The following TENM3 variants were observed in gnomAD, a reference collection of about 807,000 sequenced individuals.
The protein encoded by TENM3 is teneurin transmembrane protein 3.
Under a neutral mutation model 255.1 loss-of-function variants are expected in TENM3, and 63 were observed. The observed-to-expected ratio is 0.25, with a 90% CI of 0.20 to 0.30. The LOEUF (loss-of-function observed/expected upper bound fraction) is 0.30, where lower values mean the gene tolerates loss of function less well. TENM3 is among the 10% of genes least tolerant of loss of function. The probability of loss-of-function intolerance (pLI) is 1.00; values close to 1 mark genes in which losing one functional copy is unlikely to be tolerated. For synonymous variants in TENM3, 1,306 were observed against 1,322.3 expected, an observed-to-expected ratio of 0.99 and a Z score of 0.27; for missense variants, 2,929 against 3,461.1, an observed-to-expected ratio of 0.85 and a Z score of 3.86.
intron 3 of TENM3, among the ~76,000 whole-genome samples, chr4:182,522,372 A>G (rs1738670682): frequency 6.6e-6 from 1 of 152,098 alleles, no homozygotes; most frequent in South Asian, 2.1e-4. Context: ...GGCAACTGCC[A>G]TTCTCCCCTC....
chr4:182,799,707 T>A lies in TENM3; in HGVS notation c.7456T>A (p.Trp2486Arg), dbSNP rs1305387549. The change falls in exon 28 of 28, where the codon TGG becomes AGG. Residue 2486 changes from tryptophan to arginine, a missense_variant. Trp to Arg is a moderately radical substitution (Grantham distance 101). Around this residue, in one of 6 missense-constraint regions of TENM3, gnomAD observed 476 missense variants for 480.1 expected, o/e 0.99. Coordinates refer to ENST00000511685, the MANE Select transcript of TENM3 (RefSeq NM_001080477.4). The surrounding 1 kb of genome is among the most constrained non-coding windows in gnomAD (Gnocchi z 4.2). ...SRRRAGGAQS[W>R]LWFATVKSLI... is the part of the protein sequence containing the mutation. Reference sequence around the variant, plus strand: ...GCGCCGGGCCGGCGGCGCGCAGTCCTGGCTGTGGTTCGCCACGGTCAAGTC... The same window carrying A: ...GCGCCGGGCCGGCGGCGCGCAGTCCAGGCTGTGGTTCGCCACGGTCAAGTC... 1 of 1,551,006 alleles carries A rather than the reference T, an allele frequency of 6.4e-7. No individual in the cohort carries two copies. Among genetic ancestry groups the A allele is most frequent in the African/African-American group, 1.4e-5 (1 of 73,056 alleles).
At chr4:181,511,925 C>G in the TENM3 span, among the ~76,000 whole-genome samples, 1 of 152,104 alleles carries the variant, frequency 6.6e-6, no homozygotes, top group Non-Finnish European at 1.5e-5. Flanking sequence ...GAATATGGCA[C>G]CGGGGGCCCC....
At chr4:181,807,651 C>A in the TENM3 span, among the ~76,000 whole-genome samples, 3 of 152,154 alleles carry the variant, frequency 2.0e-5, no homozygotes, top group Non-Finnish European at 4.4e-5. Flanking sequence ...CCGCACCTGG[C>A]CAATCCTAGG....
the TENM3 span, among the ~76,000 whole-genome samples, chr4:181,783,889 G>T: frequency 1.3e-5 from 2 of 152,040 alleles, no homozygotes; most frequent in Admixed American, 6.6e-5. Context: ...TTGAAGAGAC[G>T]CAGGTCTCAC....
chr4:181,720,179 A>T, the TENM3 span, among the ~76,000 whole-genome samples: 1 of 152,348 alleles, frequency 6.6e-6, no homozygotes, highest in South Asian at 2.1e-4. Flanking sequence ...CTTCTGAAAC[A>T]GAATCGCATT....
At chr4:182,027,171 T>C in the TENM3 span, among the ~76,000 whole-genome samples, 1 of 152,096 alleles carries the variant, frequency 6.6e-6, no homozygotes, top group Non-Finnish European at 1.5e-5. Context: ...CTTAGGTATT[T>C]AATTTTATTG....
At chr4:181,675,812 G>A in the TENM3 span, among the ~76,000 whole-genome samples, 170 of 117,944 alleles carry the variant, frequency 1.4e-3, no homozygotes, top group African/African-American at 5.0e-3. Context: ...AAGAAATATA[G>A]TTGAACTTCT....
chr4:182,451,590 A>G (rs1437404049), intron 3 of TENM3, among the ~76,000 whole-genome samples: 4 of 152,204 alleles, frequency 2.6e-5, no homozygotes, highest in Non-Finnish European at 5.9e-5. Context: ...ATGCTGTAAA[A>G]TAGATTAAAA....
intron 1 of TENM3, among the ~76,000 whole-genome samples, chr4:182,145,896 A>G (rs1218486805): frequency 6.6e-6 from 1 of 152,232 alleles, no homozygotes; most frequent in Non-Finnish European, 1.5e-5. Flanking sequence ...AGAAATAGAC[A>G]TATGTTGAGG....
intron 2 of TENM3, among the ~76,000 whole-genome samples, chr4:182,344,992 C>T (rs528209009): frequency 2.0e-5 from 3 of 152,292 alleles, no homozygotes; most frequent in Admixed American, 1.3e-4. Context: ...AACGCACAGG[C>T]GCTTTTTCCT....
chr4:181,915,757 G>A, the TENM3 span, among the ~76,000 whole-genome samples: 16 of 151,804 alleles, frequency 1.1e-4, no homozygotes, highest in African/African-American at 3.6e-4. Context: ...TTGACTGTGA[G>A]GAACAGGAAG....
intron 3 of TENM3, among the ~76,000 whole-genome samples, chr4:182,581,673 G>A (rs888715492): frequency 6.6e-6 from 1 of 152,040 alleles, no homozygotes; most frequent in African/African-American, 2.4e-5. Flanking sequence ...GGAGGCGGAG[G>A]TTGCAGTGAG....
the TENM3 span, among the ~76,000 whole-genome samples, chr4:181,853,577 A>G: frequency 6.6e-6 from 1 of 152,210 alleles, no homozygotes; most frequent in East Asian, 1.9e-4. Flanking sequence ...TATGACATTT[A>G]GTGTTTAATG....
chr4:182,114,461 A>G, the TENM3 span, among the ~76,000 whole-genome samples: 1 of 149,160 alleles, frequency 6.7e-6, no homozygotes, highest in Non-Finnish European at 1.5e-5. Context: ...TTTTTAGGGA[A>G]CTTCTTTTTT....
the TENM3 span, among the ~76,000 whole-genome samples, chr4:181,777,426 T>C: frequency 6.6e-6 from 1 of 152,164 alleles, no homozygotes. Flanking sequence ...TTTAGGATTT[T>C]TTTTCTATTT....
At chr4:182,008,799 C>A in the TENM3 span, among the ~76,000 whole-genome samples, 1 of 152,062 alleles carries the variant, frequency 6.6e-6, no homozygotes, top group African/African-American at 2.4e-5. Flanking sequence ...GGAGAAGGGG[C>A]ACTCTGGCCT....
rs1269326273 is a variant in TENM3, at chr4:182,768,163, G to A, written c.4893-5309G>A. On this transcript the variant is annotated intron_variant, in intron 22 of 27. Coordinates refer to ENST00000511685, the MANE Select transcript of TENM3 (RefSeq NM_001080477.4). ...GAGTTAGAATGACTTCTCTGCCCTG[G>A]TGTATGCGCTTCTCTAAAGCTGTGC... Among the ~76,000 whole-genome samples the A allele has an allele frequency of 9.2e-5, 14 of 152,172 alleles. 1 individual carries two copies. Among genetic ancestry groups the A allele is most frequent in the Admixed American group, 9.2e-4 (14 of 15,282 alleles).
At chr4:182,374,103 G>A (rs577666107) in intron 3 of TENM3, among the ~76,000 whole-genome samples, 4 of 152,134 alleles carry the variant, frequency 2.6e-5, no homozygotes, top group South Asian at 2.1e-4. Flanking sequence ...AGTTTCACAC[G>A]TCTTTACTCA....
chr4:181,780,656 C>T, the TENM3 span, among the ~76,000 whole-genome samples: 1 of 152,154 alleles, frequency 6.6e-6, no homozygotes, highest in Admixed American at 6.5e-5. Context: ...TCCCATTTGT[C>T]AATTTTGGCT....
Sources: allele counts gnomAD v4.1 joint callset (sites outside exome capture counted in the v4.1 genomes callset), GRCh38; gene constraint gnomAD v4.1.1; regional missense constraint gnomAD v4.1.1; non-coding constraint Gnocchi (gnomAD v3.1); transcripts MANE v1.5; gene names NCBI Gene and HGNC (gene_info 2026-07-23, HGNC 2026-07-21).